The following DIXDC1 variants were observed in gnomAD, a reference collection of about 807,000 sequenced individuals.
The protein encoded by DIXDC1 is DIX domain containing 1.
Under a neutral mutation model 103.1 loss-of-function variants are expected in DIXDC1, and 64 were observed. The ratio of observed to expected loss-of-function variants is 0.62; its 90% CI spans 0.51 to 0.76. DIXDC1 has a LOEUF of 0.76. Ranked by LOEUF, DIXDC1 falls within the 30% of genes least tolerant of loss-of-function variation. DIXDC1 has a pLI of 0.00. For synonymous variants in DIXDC1, 266 were observed against 298.5 expected (o/e 0.89, Z 1.12); for missense variants, 759 against 834.2 (o/e 0.91, Z 1.11).
chr11:111,976,619 G>A lies in DIXDC1; in HGVS notation c.656+1636G>A, dbSNP rs1055709644. 4.6e-5 allele frequency among the ~76,000 whole-genome samples: 7 copies of A among 152,076 alleles called. No homozygotes were observed. Among genetic ancestry groups the A allele is most frequent in the Non-Finnish European group, 7.4e-5 (5 of 68,002 alleles). On this transcript the variant is annotated intron_variant, in intron 5 of 19. Transcript: ENST00000440460. The surrounding 1 kb of genome is among the most constrained non-coding windows in gnomAD (Gnocchi z 4.3). ...CACATTCTGAGCCCTCGCCCCCAGG[G>A]AGCCCACTTAGTGGCTCTGTGACCC...
chr11:112,017,549 C>A lies in DIXDC1; in HGVS notation c.1863-228C>A, dbSNP rs1360651950. 6.8e-6 allele frequency: 2 copies of A among 293,516 alleles called. No homozygotes were observed. Among genetic ancestry groups the A allele is most frequent in the Non-Finnish European group, 1.3e-5 (2 of 157,634 alleles). 18.2% of individuals were successfully genotyped at this position (293,516 alleles called of 1,614,324 possible). A position where few individuals can be genotyped will look rare whatever the true frequency, so the allele number is the denominator to read the frequency against. Reference sequence around the variant, plus strand: ...TGATTTGGCTTCTGAAGCAATAAGTCAATTTTAAATTCTCACATCACCCCA... The same window carrying A: ...TGATTTGGCTTCTGAAGCAATAAGTAAATTTTAAATTCTCACATCACCCCA... On this transcript the variant is annotated intron_variant, in intron 18 of 19. Transcript: ENST00000440460. This position sits in a 1 kb window ranked among gnomAD's most constrained non-coding sequence, Gnocchi z 4.0.
rs1555172435 is a variant in DIXDC1, at chr11:111,974,909, A to G, written c.582A>G (p.Pro194=). 2 of 1,613,676 alleles carry G rather than the reference A, an allele frequency of 1.2e-6. No homozygotes were observed. Among genetic ancestry groups the G allele is most frequent in the African/African-American group, 1.3e-5 (1 of 74,906 alleles). ...NSSMDEEIEN[P]YWSVRALVQQ... ...GCATGGATGAGGAAATTGAGAATCCATACTGGAGTGTGCGGGCCCTAGTGC... is the reference window on the plus strand; with the variant it reads ...GCATGGATGAGGAAATTGAGAATCCGTACTGGAGTGTGCGGGCCCTAGTGC... Residue 194 remains proline (P), a synonymous_variant, in exon 5 of 20, where the codon CCA becomes CCG. Coordinates refer to ENST00000440460, the MANE Select transcript of DIXDC1 (RefSeq NM_001037954.4).
At position 111,998,055 on chromosome 11, in the gene DIXDC1, G is replaced by A. The variant is rs1212044926; in HGVS notation, c.1756+1909G>A. 2.0e-5 allele frequency among the ~76,000 whole-genome samples: 3 copies of A among 152,138 alleles called. No individual in the cohort carries two copies. Among genetic ancestry groups the A allele is most frequent in the Non-Finnish European group, 4.4e-5 (3 of 68,022 alleles). On this transcript the variant is annotated intron_variant, in intron 17 of 19. Transcript: ENST00000440460. This position sits in a 1 kb window ranked among gnomAD's most constrained non-coding sequence, Gnocchi z 4.1. The stretch of plus-strand genomic sequence containing the variant: ...TGTTACTTTGCTTAGTGTTCTTCTT[G>A]TTGGGTCTCTGTTGACTTTCTTGTC...
At position 111,954,118 on chromosome 11, in the gene DIXDC1, A is replaced by G. The variant is rs141373773; in HGVS notation, c.61-10431A>G. The stretch of plus-strand genomic sequence containing the variant: ...GTGCACTTTATTTTTGTATTATTAC[A>G]TTGTAATATATAATGAAATAATTAT... On this transcript the variant is annotated intron_variant, in intron 1 of 19. Transcript: ENST00000440460. 3.9e-5 allele frequency among the ~76,000 whole-genome samples: 6 copies of G among 152,298 alleles called. No homozygotes were observed. The East Asian group carries it at 1.2e-3, about 29-fold the overall frequency.
intron 17 of DIXDC1, among the ~76,000 whole-genome samples, chr11:112,016,306 A>G (rs587668953): frequency 3.3e-5 from 5 of 152,162 alleles, no homozygotes; most frequent in South Asian, 2.1e-4. Flanking sequence ...TATGAGTCAC[A>G]TGAGTATTCT....
chr11:112,004,305 C>T (rs1201656004), intron 17 of DIXDC1, among the ~76,000 whole-genome samples: 1 of 152,106 alleles, frequency 6.6e-6, no homozygotes, highest in African/African-American at 2.4e-5. Flanking sequence ...GCAGGAAAGG[C>T]ATGAAGCCAC....
chr11:111,970,728 T>A (rs1859892806), intron 3 of DIXDC1, among the ~76,000 whole-genome samples: 1 of 149,868 alleles, frequency 6.7e-6, no homozygotes, highest in African/African-American at 2.5e-5. Flanking sequence ...CAAACTATAC[T>A]ACAAGACTAC....
Position 111,941,813 on chromosome 11 carries a change from G to A in DIXDC1, c.60+4254G>A, listed in dbSNP as rs587652567. Among the ~76,000 whole-genome samples the A allele has an allele frequency of 2.0e-5, 3 of 148,950 alleles. No homozygotes were observed. The South Asian group carries it at 6.4e-4, about 32-fold the overall frequency. ...AGCCTGGGCAACAGGGTGAGATTCTGTCTCAAAACAAAACGAAACAAAATA... is the reference window on the plus strand; with the variant it reads ...AGCCTGGGCAACAGGGTGAGATTCTATCTCAAAACAAAACGAAACAAAATA... On this transcript the variant is annotated intron_variant, in intron 1 of 19. Coordinates refer to ENST00000440460, the MANE Select transcript of DIXDC1 (RefSeq NM_001037954.4).
At chr11:111,981,197 C>T (rs937104327) in intron 6 of DIXDC1, among the ~76,000 whole-genome samples, 6 of 152,156 alleles carry the variant, frequency 3.9e-5, no homozygotes, top group African/African-American at 1.4e-4. Context: ...ACTTACATAA[C>T]TTAAATTGGG....
At chr11:111,980,173 T>C (rs1860249467) in intron 5 of DIXDC1, among the ~76,000 whole-genome samples, 1 of 152,192 alleles carries the variant, frequency 6.6e-6, no homozygotes, top group Non-Finnish European at 1.5e-5. Context: ...CTGCCCAGCC[T>C]GGCAATGTAC....
rs1860110337 is a variant in DIXDC1 at position 111,976,752 on chromosome 11, G to T, written c.656+1769G>T. ...TCCCTGCCACTGCTCCTCCGGAGAC[G>T]CCCTGGGGAAGCCCTGCCAGCCTGT... On this transcript the variant is annotated intron_variant, in intron 5 of 19. Coordinates refer to ENST00000440460, the MANE Select transcript of DIXDC1 (RefSeq NM_001037954.4). The surrounding 1 kb of genome is among the most constrained non-coding windows in gnomAD (Gnocchi z 4.3). Among the ~76,000 whole-genome samples the T allele has an allele frequency of 6.6e-6, 1 of 152,110 alleles. No individual in the cohort carries two copies. The highest frequency in any genetic ancestry group is 2.4e-5 in the African/African-American group (1 of 41,410).
At chr11:112,008,328 C>A (rs1047652750) in intron 17 of DIXDC1, among the ~76,000 whole-genome samples, 2 of 152,086 alleles carry the variant, frequency 1.3e-5, no homozygotes, top group Non-Finnish European at 2.9e-5. Flanking sequence ...TCCTTAGAGA[C>A]CTACAAAGAG....
intron 17 of DIXDC1, 41 bp from the exon 18 acceptor site, chr11:112,016,650 A>AAT: frequency 6.6e-7 from 1 of 1,512,758 alleles, no homozygotes; most frequent in Non-Finnish European, 8.9e-7. Flanking sequence ...GCTGGTTTAG[A>AAT]GCAAATGAAT....
intron 1 of DIXDC1, among the ~76,000 whole-genome samples, chr11:111,942,696 G>A (rs1452195224): frequency 4.6e-5 from 7 of 152,176 alleles, no homozygotes; most frequent in African/African-American, 1.7e-4. Flanking sequence ...TTAAAAATAA[G>A]TTTAGGAGAT....
At chr11:111,982,565 A>G in intron 7 of DIXDC1, 78 bp downstream of exon 7, 1 of 1,498,118 alleles carries the variant, frequency 6.7e-7, no homozygotes, top group Non-Finnish European at 9.0e-7. Context: ...AAATAAACTG[A>G]TTTTAGTTTT....
intron 1 of DIXDC1, among the ~76,000 whole-genome samples, chr11:111,949,221 A>AC (rs1566471286): frequency 6.6e-6 from 1 of 151,798 alleles, no homozygotes. Context: ...TGGATCTCCC[A>AC]CCCCGCCCCC....
intron 17 of DIXDC1, 91 bp from the exon 18 acceptor site, chr11:112,016,600 C>T (rs1454258442): frequency 1.9e-6 from 2 of 1,078,148 alleles, no homozygotes; most frequent in Admixed American, 3.0e-5. Context: ...TGACCTCAGG[C>T]AGCTTTGTTC....
rs911571459 is a variant in DIXDC1 at position 111,958,717 on chromosome 11, C to G, written c.61-5832C>G. On this transcript the variant is annotated intron_variant, in intron 1 of 19. Coordinates refer to ENST00000440460, the MANE Select transcript of DIXDC1 (RefSeq NM_001037954.4). The surrounding 1 kb of genome is among the most constrained non-coding windows in gnomAD (Gnocchi z 4.2). ...GAAGCCTGGGGGGTCAGGCTGCCAGCCCCGCAGACCGGAGTGGGAATTTAT... is the reference window on the plus strand; with the variant it reads ...GAAGCCTGGGGGGTCAGGCTGCCAGGCCCGCAGACCGGAGTGGGAATTTAT... Among the ~76,000 whole-genome samples the G allele has an allele frequency of 3.9e-5, 6 of 152,194 alleles. No homozygotes were observed. Among genetic ancestry groups the G allele is most frequent in the African/African-American group, 9.6e-5 (4 of 41,452 alleles).
intron 4 of DIXDC1, among the ~76,000 whole-genome samples, chr11:111,974,623 G>A (rs1175753763): frequency 6.6e-6 from 1 of 152,168 alleles, no homozygotes; most frequent in Non-Finnish European, 1.5e-5. Context: ...GTTGTCTTGG[G>A]AGTCATGGCA....
Sources: gnomAD v4.1 joint callset for allele counts (sites outside exome capture counted in the v4.1 genomes callset) on GRCh38, gnomAD v4.1.1 for gene constraint, Gnocchi (gnomAD v3.1) non-coding constraint, MANE v1.5 for transcripts, NCBI Gene and HGNC (gene_info 2026-07-23, HGNC 2026-07-21) for gene names.